The following TMEM26 variants were observed in gnomAD, a reference collection of about 807,000 sequenced individuals.
TMEM26 encodes transmembrane protein 26.
In TMEM26, 38 loss-of-function variants were observed where a neutral mutation model predicts 28.8. The observed-to-expected ratio is 1.32, with a 90% CI of 1.02 to 1.73. The LOEUF (loss-of-function observed/expected upper bound fraction) is 1.73, where lower values mean the gene tolerates loss of function less well. Ranked by LOEUF, TMEM26 falls within the 40% of genes most tolerant of loss-of-function variation. The pLI, the probability that TMEM26 is intolerant of heterozygous loss-of-function variation, is 0.00. For synonymous variants in TMEM26, 227 were observed against 182.9 expected (o/e 1.24, Z -1.95); for missense variants, 518 against 447.1 (o/e 1.16, Z -1.43).
intron 2 of TMEM26, among the ~76,000 whole-genome samples, chr10:61,433,378 T>C (rs1273348703): frequency 6.6e-6 from 1 of 152,136 alleles, no homozygotes; most frequent in Non-Finnish European, 1.5e-5. Flanking sequence ...CTCGTATAGG[T>C]GAGTTCACAT....
chr10:61,416,158 G>GT (rs1348005826), intron 4 of TMEM26: 13 of 435,714 alleles, frequency 3.0e-5, no homozygotes, highest in Middle Eastern at 3.4e-4. Context: ...TTTTCACAAG[G>GT]TTTTTTCAAT....
chr10:61,444,624 C>G (rs1291402311), intron 1 of TMEM26, among the ~76,000 whole-genome samples: 1 of 147,952 alleles, frequency 6.8e-6, no homozygotes, highest in East Asian at 2.0e-4. Flanking sequence ...CTTCCTTTAG[C>G]TGGTCACTTG....
At chr10:61,413,752 C>A in intron 4 of TMEM26, 2 of 1,230,692 alleles carry the variant, frequency 1.6e-6, no homozygotes, top group Non-Finnish European at 2.0e-6. Context: ...CCAACATATG[C>A]ATGAATTATG....
Position 61,408,513 on chromosome 10 carries a change from T to C in TMEM26, c.*1809A>G, listed in dbSNP as rs994358479. 2.6e-5 allele frequency: 4 copies of C among 152,200 alleles called. No homozygotes were observed. Among genetic ancestry groups the C allele is most frequent in the South Asian group, 2.1e-4 (1 of 4,836 alleles). 9.4% of individuals were successfully genotyped at this position (152,200 alleles called of 1,614,324 possible). ...CAAATCTGCAATAATAAGCAGCACA[T>C]ACATGTTGTGGAAGAAAATATTCAA... On this transcript the variant is annotated 3_prime_UTR_variant, in exon 6 of 6. Transcript: ENST00000399298.
intron 4 of TMEM26, among the ~76,000 whole-genome samples, chr10:61,427,656 C>G (rs1457140538): frequency 6.6e-6 from 1 of 151,972 alleles, no homozygotes; most frequent in Non-Finnish European, 1.5e-5. Context: ...ATGACTGGCC[C>G]CACAAAACAT....
At chr10:61,447,906 G>C (rs1433657156) in intron 1 of TMEM26, among the ~76,000 whole-genome samples, 1 of 152,148 alleles carries the variant, frequency 6.6e-6, no homozygotes, top group Non-Finnish European at 1.5e-5. Flanking sequence ...TCACTCATTT[G>C]TTCACTTGTT....
chr10:61,433,286 G>A (rs1839951888), intron 2 of TMEM26, among the ~76,000 whole-genome samples: 1 of 151,950 alleles, frequency 6.6e-6, no homozygotes, highest in South Asian at 2.1e-4. Flanking sequence ...CTCTACATTG[G>A]GACTGCAGTG....
chr10:61,419,069 T>A (rs1485704397), intron 4 of TMEM26, among the ~76,000 whole-genome samples: 1 of 151,904 alleles, frequency 6.6e-6, no homozygotes, highest in Non-Finnish European at 1.5e-5. Flanking sequence ...AAAATAAAAC[T>A]AGGAATTTTT....
At chr10:61,438,138 A>G (rs1197546644) in intron 1 of TMEM26, among the ~76,000 whole-genome samples, 1 of 152,144 alleles carries the variant, frequency 6.6e-6, no homozygotes, top group Non-Finnish European at 1.5e-5. Flanking sequence ...GTCTCTTAAA[A>G]AATCAATATT....
chr10:61,433,597 T>C (rs921314391), intron 2 of TMEM26, among the ~76,000 whole-genome samples: 2 of 152,138 alleles, frequency 1.3e-5, no homozygotes, highest in African/African-American at 4.8e-5. Context: ...CCCATACATG[T>C]ACACCCAACC....
At chr10:61,423,419 A>C (rs1839779874) in intron 4 of TMEM26, among the ~76,000 whole-genome samples, 1 of 152,212 alleles carries the variant, frequency 6.6e-6, no homozygotes, top group South Asian at 2.1e-4. Context: ...CTCATAAGCA[A>C]ATGTTAGCAA....
At chr10:61,436,409 C>T (rs1156760652) in intron 1 of TMEM26, among the ~76,000 whole-genome samples, 161 bp from the exon 2 acceptor site, 3 of 151,694 alleles carry the variant, frequency 2.0e-5, no homozygotes, top group East Asian at 3.9e-4. Context: ...AAGAAAAAAG[C>T]ATTATGTGAT....
intron 4 of TMEM26, chr10:61,415,106 C>A (rs1184825971): frequency 1.0e-6 from 1 of 985,100 alleles, no homozygotes; most frequent in African/African-American, 1.7e-5. Context: ...GGATAGAAAA[C>A]CAGTACCCTG....
intron 1 of TMEM26, among the ~76,000 whole-genome samples, chr10:61,448,672 T>C (rs2135339187): frequency 6.6e-6 from 1 of 151,710 alleles, no homozygotes; most frequent in South Asian, 2.1e-4. Flanking sequence ...TATCATATCA[T>C]GCTTGCTCAT....
intron 4 of TMEM26, chr10:61,414,368 A>G (rs1299171937): frequency 6.6e-6 from 1 of 152,124 alleles, no homozygotes; most frequent in Non-Finnish European, 1.5e-5. Flanking sequence ...TTTTGTTTCC[A>G]TCTTCCATCA....
intron 4 of TMEM26, among the ~76,000 whole-genome samples, chr10:61,425,470 AC>A (rs1180204995): frequency 3.9e-5 from 6 of 152,336 alleles, no homozygotes; most frequent in African/African-American, 1.4e-4. Context: ...TTTTAAAAAC[AC>A]GTTTTTCAGA....
At chr10:61,452,406 G>A (rs1428539169) in intron 1 of TMEM26, among the ~76,000 whole-genome samples, 1 of 152,252 alleles carries the variant, frequency 6.6e-6, no homozygotes. Flanking sequence ...TGCAGCGAGG[G>A]TCTTCTCGTC....
rs140826099 is a variant in TMEM26 at position 61,421,037 on chromosome 10, A to G, written c.606-7502T>C. 8.0e-3 allele frequency among the ~76,000 whole-genome samples: 1,221 copies of G among 152,248 alleles called. 11 individuals are homozygous for G. Among genetic ancestry groups the G allele is most frequent in the African/African-American group, 0.024 (980 of 41,568 alleles). On this transcript the variant is annotated intron_variant, in intron 4 of 5. Coordinates refer to ENST00000399298, the MANE Select transcript of TMEM26 (RefSeq NM_178505.8). ...AAAAATAACAGCAAAAAGGAAGAGG[A>G]GGAAACAGAGTTATCAGTAACGGAG... is the stretch of plus-strand genomic sequence containing the variant.
intron 1 of TMEM26, among the ~76,000 whole-genome samples, chr10:61,450,996 A>G: frequency 6.6e-6 from 1 of 152,226 alleles, no homozygotes; most frequent in Non-Finnish European, 1.5e-5. Context: ...TGAGGTAAGT[A>G]TTCACAGGTA....
Sources: gnomAD v4.1 joint callset for allele counts (sites outside exome capture counted in the v4.1 genomes callset) on GRCh38, gnomAD v4.1.1 for gene constraint, MANE v1.5 for transcripts, NCBI Gene and HGNC (gene_info 2026-07-23, HGNC 2026-07-21) for gene names.